The following SLC35F4 variants were observed in gnomAD, a reference collection of about 807,000 sequenced individuals.
SLC35F4 encodes the protein solute carrier family 35 member F4, also known as chromosome 14 open reading frame 36.
SLC35F4 carries 24 observed loss-of-function variants against 44.2 expected under a neutral mutation model. The ratio of observed to expected loss-of-function variants is 0.54; its 90% CI spans 0.39 to 0.76. The LOEUF is 0.76. Ranked by LOEUF, SLC35F4 falls within the 30% of genes least tolerant of loss-of-function variation. The pLI is 0.00. For missense variants in SLC35F4, 562 were observed against 586.1 expected, an observed-to-expected ratio of 0.96 and a Z score of 0.42; for synonymous variants, 238 against 223.6, an observed-to-expected ratio of 1.06 and a Z score of -0.57.
intron 1 of SLC35F4, among the ~76,000 whole-genome samples, chr14:57,688,449 C>T (rs989673149): frequency 1.3e-5 from 2 of 152,112 alleles, no homozygotes; most frequent in Non-Finnish European, 2.9e-5. Flanking sequence ...TTATAAATTA[C>T]AGGGTACGAT....
chr14:57,576,819 G>A (rs1455993003), intron 4 of SLC35F4, among the ~76,000 whole-genome samples: 1 of 152,158 alleles, frequency 6.6e-6, no homozygotes, highest in African/African-American at 2.4e-5. Context: ...AGACCTGGAT[G>A]TCAAAGTTGT....
At chr14:57,919,269 A>G (rs1566929400) in intron 1 of SLC35F4, among the ~76,000 whole-genome samples, 1 of 152,232 alleles carries the variant, frequency 6.6e-6, no homozygotes, top group Non-Finnish European at 1.5e-5. Context: ...TTTATTTATT[A>G]TAGCAGCCCT....
intron 1 of SLC35F4, among the ~76,000 whole-genome samples, chr14:57,922,368 A>G (rs938114028): frequency 6.6e-6 from 1 of 152,170 alleles, no homozygotes; most frequent in African/African-American, 2.4e-5. Context: ...CCATTAACCA[A>G]TTATAGAACT....
chr14:57,858,431 CA>C (rs1887343164), intron 1 of SLC35F4, among the ~76,000 whole-genome samples: 2 of 151,626 alleles, frequency 1.3e-5, no homozygotes, highest in South Asian at 4.2e-4. Flanking sequence ...ATCGCAAGGA[CA>C]AAAAACCAAA....
intron 6 of SLC35F4, among the ~76,000 whole-genome samples, chr14:57,567,774 A>T (rs1189433904): frequency 6.6e-6 from 1 of 152,178 alleles, no homozygotes; most frequent in Non-Finnish European, 1.5e-5. Context: ...TGAGCTCCAT[A>T]GTATGGGGCC....
In SLC35F4 at chr14:57,938,309, G is replaced by A. The variant is rs17093970; in HGVS notation, n.282+43604C>T. Reference sequence around the variant, plus strand: ...ACAAAGGGGTAATATAAGAAGTAGTGTTCAGTCACAAAGGGGAAGAAAAAT... The same window carrying A: ...ACAAAGGGGTAATATAAGAAGTAGTATTCAGTCACAAAGGGGAAGAAAAAT... On this transcript the variant is annotated intron_variant and non_coding_transcript_variant, in intron 1 of 1. Coordinates refer to the SLC35F4 transcript ENST00000556568. Among the ~76,000 whole-genome samples, 294 of 152,254 alleles carry A rather than the reference G, an allele frequency of 1.9e-3. 8 individuals are homozygous for A. In the East Asian group the frequency reaches 0.054, roughly 28 times the overall value.
intron 1 of SLC35F4, among the ~76,000 whole-genome samples, chr14:57,971,181 A>G (rs1311672322): frequency 1.3e-5 from 2 of 152,250 alleles, no homozygotes; most frequent in Non-Finnish European, 2.9e-5. Flanking sequence ...TGAAATGAGC[A>G]CAATCATTAT....
intron 7 of SLC35F4, among the ~76,000 whole-genome samples, chr14:57,565,335 C>T (rs1004174795): frequency 7.2e-5 from 11 of 152,200 alleles, no homozygotes; most frequent in African/African-American, 2.7e-4. Flanking sequence ...CCAGCTAAAC[C>T]TCTCCTTAGA....
intron 1 of SLC35F4, among the ~76,000 whole-genome samples, chr14:57,862,613 C>T (rs547733104): frequency 4.6e-5 from 7 of 152,346 alleles, no homozygotes; most frequent in South Asian, 2.1e-4. Flanking sequence ...CAGATCTTTG[C>T]GCTAGCTATT....
At chr14:57,791,236 C>T (rs988542097) in intron 1 of SLC35F4, among the ~76,000 whole-genome samples, 1 of 152,124 alleles carries the variant, frequency 6.6e-6, no homozygotes, top group African/African-American at 2.4e-5. Context: ...GTCTATTCAT[C>T]TGACAAAGGT....
intron 4 of SLC35F4, among the ~76,000 whole-genome samples, chr14:57,573,665 T>C (rs2068633491): frequency 1.3e-5 from 2 of 152,072 alleles, no homozygotes; most frequent in Admixed American, 6.5e-5. Flanking sequence ...TTTTCCTTGA[T>C]TTGGGGATTT....
intron 1 of SLC35F4, among the ~76,000 whole-genome samples, chr14:57,600,694 A>AC (rs2070769396): frequency 1.3e-5 from 1 of 74,392 alleles, no homozygotes; most frequent in African/African-American, 4.4e-5. Flanking sequence ...TCCATCTCAA[A>AC]AAAAAAAAAA....
intron 7 of SLC35F4, 42 bp downstream of exon 7, chr14:57,566,433 T>C (rs1466020151): frequency 1.2e-5 from 19 of 1,538,534 alleles, no homozygotes; most frequent in Admixed American, 3.9e-5. Context: ...AGCAAGAGAC[T>C]TGTAGTGGCC....
intron 1 of SLC35F4, among the ~76,000 whole-genome samples, chr14:57,655,392 A>G (rs2073932626): frequency 6.6e-6 from 1 of 152,082 alleles, no homozygotes; most frequent in Non-Finnish European, 1.5e-5. Flanking sequence ...AATACAGAGC[A>G]ACAAGACATC....
chr14:57,567,739 T>C (rs2068278319), intron 6 of SLC35F4, among the ~76,000 whole-genome samples: 1 of 152,170 alleles, frequency 6.6e-6, no homozygotes, highest in African/African-American at 2.4e-5. Context: ...AATCAGGAAT[T>C]TATTAAATAC....
intron 1 of SLC35F4, among the ~76,000 whole-genome samples, chr14:57,926,729 G>GA (rs1021370541): frequency 2.8e-5 from 2 of 70,856 alleles, no homozygotes; most frequent in Non-Finnish European, 5.0e-5. Flanking sequence ...TAGGGTTGGG[G>GA]GGGGGGGGTG....
rs143174833 is a variant in SLC35F4 at position 57,643,239 on chromosome 14, T to G, written c.104-49115A>C. 9.6e-3 allele frequency among the ~76,000 whole-genome samples: 1,464 copies of G among 152,178 alleles called. 33 individuals are homozygous for G. Among genetic ancestry groups the G allele is most frequent in the African/African-American group, 0.033 (1,352 of 41,540 alleles). On this transcript the variant is annotated intron_variant, in intron 1 of 7. Transcript: ENST00000556826. ...ATGATTTGACCAATTGTATTAAGAC[T>G]TGATATGACATTTTCATAGAAAACA...
chr14:57,965,356 T>C (rs1185113167), intron 1 of SLC35F4, among the ~76,000 whole-genome samples: 2 of 152,172 alleles, frequency 1.3e-5, no homozygotes, highest in African/African-American at 4.8e-5. Flanking sequence ...TCTTCTACTT[T>C]TAAGGACCTC....
intron 1 of SLC35F4, among the ~76,000 whole-genome samples, chr14:57,900,323 T>C (rs1888973397): frequency 6.6e-6 from 1 of 152,206 alleles, no homozygotes; most frequent in African/African-American, 2.4e-5. Flanking sequence ...GGATTCTTTC[T>C]GATTCTGTCA....
Sources: allele counts gnomAD v4.1 joint callset (sites outside exome capture counted in the v4.1 genomes callset), GRCh38; gene constraint gnomAD v4.1.1; transcripts MANE v1.5; gene names NCBI Gene and HGNC (gene_info 2026-07-23, HGNC 2026-07-21).